The following KIF14 variants were observed in gnomAD, a reference collection of about 807,000 sequenced individuals.
KIF14 encodes the protein kinesin family member 14.
A neutral mutation model predicts 176.2 loss-of-function variants in KIF14; 98 were observed. That is an observed-to-expected ratio of 0.56 (90% confidence interval 0.47 to 0.66). The LOEUF is 0.66. KIF14 is among the 30% of genes least tolerant of loss of function. The probability of loss-of-function intolerance (pLI) is 0.00; values close to 1 mark genes in which losing one functional copy is unlikely to be tolerated. For missense variants in KIF14, 1,751 were observed against 1,920.4 expected (o/e 0.91, Z 1.65); for synonymous variants, 566 against 632.2 (o/e 0.90, Z 1.57).
rs767948653 is a variant in KIF14, at chr1:200,600,368, G to T, written c.2288C>A (p.Ala763Glu). 1 of 1,613,446 alleles carries T rather than the reference G, an allele frequency of 6.2e-7. No homozygotes were observed. ...GACTGTACTCTACCTTTGCATTTCT[G>T]CCATGTCTCTCTCCTGTTGATGCAG... The part of the protein sequence containing the change: ...MKLHQQERDM[A>E]EMQRVWKEKF... The change falls in exon 12 of 30, where the codon GCA (alanine) becomes GAA (glutamate). Residue 763 changes from alanine to glutamate, a missense_variant. Coordinates refer to ENST00000367350, the MANE Select transcript of KIF14 (RefSeq NM_014875.3).
chr1:200,572,713 T>C (rs567594561), intron 22 of KIF14, among the ~76,000 whole-genome samples: 1 of 152,318 alleles, frequency 6.6e-6, no homozygotes, highest in South Asian at 2.1e-4. Flanking sequence ...ATATACAAAG[T>C]TTAAATCTGT....
chr1:200,574,114 T>C (rs879306293), intron 22 of KIF14, among the ~76,000 whole-genome samples: 2 of 152,166 alleles, frequency 1.3e-5, no homozygotes, highest in Admixed American at 1.3e-4. Flanking sequence ...AGGTTTGTGG[T>C]GTGTACTAGG....
At chr1:200,604,348 G>A (rs901095472) in intron 8 of KIF14, among the ~76,000 whole-genome samples, 2 of 152,120 alleles carry the variant, frequency 1.3e-5, no homozygotes, top group African/African-American at 2.4e-5. Flanking sequence ...GATTACAGGC[G>A]TGAGCCACTG....
chr1:200,595,585 G>C (rs908867090), intron 14 of KIF14, among the ~76,000 whole-genome samples: 1 of 152,094 alleles, frequency 6.6e-6, no homozygotes, highest in African/African-American at 2.4e-5. Context: ...GTATTTATTT[G>C]TTAAAGAAAA....
intron 2 of KIF14, among the ~76,000 whole-genome samples, chr1:200,616,833 AT>A (rs1444450960): frequency 6.6e-6 from 1 of 152,078 alleles, no homozygotes; most frequent in Non-Finnish European, 1.5e-5. Context: ...TTAGAGAGAG[AT>A]TTTTTGCCAT....
chr1:200,562,054 T>C (rs530626478), intron 25 of KIF14, among the ~76,000 whole-genome samples: 77 of 152,356 alleles, frequency 5.1e-4, no homozygotes, highest in African/African-American at 1.6e-3. Flanking sequence ...CTGCCCCCTG[T>C]AGTGTCTCTT....
rs529049059 is a variant in KIF14 at position 200,617,857 on chromosome 1, T to C, written c.867A>G (p.Thr289=). ...TKCTTEHKLT[T]KCSLPQLKSP... ...TCTTAAGCTGAGGCAGGCTGCACTT[T>C]GTTGTCAGTTTGTGTTCTGTTGTAC... Residue 289 remains threonine, a synonymous_variant, in exon 2 of 30, where the codon ACA becomes ACG. Coordinates refer to ENST00000367350, the MANE Select transcript of KIF14 (RefSeq NM_014875.3). 1 of 1,614,240 alleles carries C rather than the reference T, an allele frequency of 6.2e-7. No homozygotes were observed. The highest frequency in any genetic ancestry group is 8.5e-7 in the Non-Finnish European group (1 of 1,180,034).
rs373701140 is a variant in KIF14 at position 200,614,383 on chromosome 1, G to A, written c.1390C>T (p.Pro464Ser). The A allele has an allele frequency of 1.2e-6, 2 of 1,602,892 alleles. No homozygotes were observed. The highest frequency in any genetic ancestry group is 1.7e-6 in the Non-Finnish European group (2 of 1,171,052). The change falls in exon 4 of 30, where the codon CCA becomes TCA. Residue 464 changes from proline to serine, a missense_variant. Coordinates refer to ENST00000367350, the MANE Select transcript of KIF14 (RefSeq NM_014875.3). ...TCACAAAATCTTGGAATTATTCCTG[G>A]TTCTTCACTAAATCCCATCATCCTG... ...SYTMMGFSEEPGIIPRFCEDL... is the reference protein window; with the variant it reads ...SYTMMGFSEESGIIPRFCEDL...
intron 25 of KIF14, 78 bp from the exon 26 acceptor site, chr1:200,560,958 C>T: frequency 7.5e-7 from 1 of 1,336,718 alleles, no homozygotes; most frequent in South Asian, 1.2e-5. Context: ...GGGCCGGGCA[C>T]AGCGGCTCAC....
intron 4 of KIF14, 68 bp downstream of exon 4, chr1:200,614,250 A>G: frequency 1.2e-6 from 1 of 816,744 alleles, no homozygotes; most frequent in Non-Finnish European, 2.1e-6. Flanking sequence ...AGTGGCCATG[A>G]CTGATTTGAA....
intron 21 of KIF14, among the ~76,000 whole-genome samples, chr1:200,576,717 GC>G (rs1658135563): frequency 6.6e-6 from 1 of 152,118 alleles, no homozygotes; most frequent in Non-Finnish European, 1.5e-5. Context: ...CATTGTCAAT[GC>G]TTTGGTATGA....
rs561213821 is a variant in KIF14 at position 200,572,534 on chromosome 1, G to A, written c.3567-2529C>T. ...TAATTTTTGTATTTTTAGTAGAGAC[G>A]GGGTTTCACCGTGTTAGCCAGGATG... On this transcript the variant is annotated intron_variant, in intron 22 of 29. Transcript: ENST00000367350. Among the ~76,000 whole-genome samples the A allele has an allele frequency of 1.5e-4, 23 of 152,070 alleles. No individual in the cohort carries two copies. The South Asian group carries it at 1.9e-3, about 12-fold the overall frequency.
At chr1:200,614,020 C>T (rs1660284500) in intron 4 of KIF14, among the ~76,000 whole-genome samples, 1 of 152,236 alleles carries the variant, frequency 6.6e-6, no homozygotes, top group South Asian at 2.1e-4. Context: ...ACTACAAACA[C>T]ACGTATAACA....
chr1:200,609,433 G>A (rs1483502867), intron 4 of KIF14, among the ~76,000 whole-genome samples: 1 of 152,180 alleles, frequency 6.6e-6, no homozygotes, highest in Non-Finnish European at 1.5e-5. Context: ...AGGATCATTT[G>A]AGGTCAGGAG....
chr1:200,600,023 A>C (rs1321793282), intron 13 of KIF14, 27 bp downstream of exon 13: 1 of 1,320,652 alleles, frequency 7.6e-7, no homozygotes, highest in Non-Finnish European at 1.1e-6. Flanking sequence ...TTTATTTTCT[A>C]ATCAGTTTAG....
At position 200,586,117 on chromosome 1, in the gene KIF14, C is replaced by A. The variant is rs1346110338; in HGVS notation, c.3225G>T (p.Arg1075Ser). ...CACACTTACCTGTAAAAGTTTTATC[C>A]CTATTATTCCGATTCTGCTGTAGAA... ...VQILQQNRNN[R>S]DKTFTVQTTW... The change falls in exon 19 of 30, where the codon AGG (arginine) becomes AGT (serine). Residue 1075 changes from arginine to serine, a missense_variant. Physicochemically the swap from Arg to Ser is moderately radical, Grantham distance 110. Coordinates refer to ENST00000367350, the MANE Select transcript of KIF14 (RefSeq NM_014875.3). The A allele has an allele frequency of 1.3e-6, 2 of 1,567,560 alleles. No homozygotes were observed. The highest frequency in any genetic ancestry group is 2.4e-5 in the South Asian group (2 of 84,210).
Position 200,554,609 on chromosome 1 carries a change from G to A in KIF14, c.4429-3C>T, listed in dbSNP as rs1656736702. Reference sequence around the variant, plus strand: ...TGTACTTGCCTTCTGAAACTTTTCTGTATAAATAAAGTTAATATTTAAAAT... The same window carrying A: ...TGTACTTGCCTTCTGAAACTTTTCTATATAAATAAAGTTAATATTTAAAAT... On this transcript the variant is annotated splice_region_variant and splice_polypyrimidine_tract_variant and intron_variant, in intron 28 of 29. Transcript: ENST00000367350. 5.7e-6 allele frequency: 8 copies of A among 1,414,910 alleles called. No individual in the cohort carries two copies. The highest frequency in any genetic ancestry group is 7.9e-6 in the Non-Finnish European group (8 of 1,017,378). 87.6% of individuals were successfully genotyped at this position (1,414,910 alleles called of 1,614,324 possible). A position where few individuals can be genotyped will look rare whatever the true frequency, so the allele number is the denominator to read the frequency against.
At chr1:200,564,635 T>C (rs1657344580) in intron 25 of KIF14, among the ~76,000 whole-genome samples, 1 of 152,190 alleles carries the variant, frequency 6.6e-6, no homozygotes, top group South Asian at 2.1e-4. Flanking sequence ...AAAGACTCTG[T>C]CTCTCTTCCC....
chr1:200,593,242 T>C (rs184072531), intron 15 of KIF14, among the ~76,000 whole-genome samples: 52 of 152,354 alleles, frequency 3.4e-4, no homozygotes, highest in Non-Finnish European at 7.1e-4. Context: ...AGAGTCACAA[T>C]AGGTCTGGGT....
Sources: allele counts gnomAD v4.1 joint callset (sites outside exome capture counted in the v4.1 genomes callset), GRCh38; gene constraint gnomAD v4.1.1; transcripts MANE v1.5; gene names NCBI Gene and HGNC (gene_info 2026-07-23, HGNC 2026-07-21).